The following GPR158 variants were observed in gnomAD, a reference collection of about 807,000 sequenced individuals.
GPR158 encodes metabotropic glycine receptor.
Under a neutral mutation model 78.2 loss-of-function variants are expected in GPR158, and 30 were observed. The observed-to-expected ratio is 0.38, with a 90% CI of 0.29 to 0.52. The LOEUF is 0.52. Among genes scored for constraint, GPR158 ranks in the 20% least tolerant of loss-of-function variants. The pLI is 0.83. For missense variants in GPR158, 1,463 were observed against 1,523.5 expected (o/e 0.96, Z 0.66); for synonymous variants, 581 against 591.1 (o/e 0.98, Z 0.25).
At chr10:25,438,799 T>C (rs899961428) in intron 4 of GPR158, among the ~76,000 whole-genome samples, 1 of 152,344 alleles carries the variant, frequency 6.6e-6, no homozygotes. Context: ...TAGTTAAAAC[T>C]GAAGTCAGGG....
At position 25,598,184 on chromosome 10, in the gene GPR158, C is replaced by T. The variant is rs372800397; in HGVS notation, c.2558C>T (p.Ser853Leu). 115 of 1,613,966 alleles carry T rather than the reference C, an allele frequency of 7.1e-5. 2 individuals carry two copies. In the South Asian group the frequency reaches 9.6e-4, roughly 13 times the overall value. ...GAAAATTCCACACTGGAATCCCTGT[C>T]GGGTAAAAAACTAACACAAAAACTA... ...TTENSTLESLSGKKLTQKLKE... is the reference protein window; with the variant it reads ...TTENSTLESLLGKKLTQKLKE... The change falls in exon 11 of 11, where the codon TCG (serine) becomes TTG (leucine). Residue 853 changes from serine (S) to leucine (L), a missense_variant. Coordinates refer to ENST00000376351, the MANE Select transcript of GPR158 (RefSeq NM_020752.3).
At chr10:25,214,633 C>T (rs1186715472) in intron 1 of GPR158, among the ~76,000 whole-genome samples, 1 of 152,046 alleles carries the variant, frequency 6.6e-6, no homozygotes, top group African/African-American at 2.4e-5. Context: ...GCACTCCTAA[C>T]CTCCAATATC....
chr10:25,351,751 T>C (rs1855476774), intron 2 of GPR158, among the ~76,000 whole-genome samples: 1 of 151,400 alleles, frequency 6.6e-6, no homozygotes, highest in Admixed American at 6.6e-5. Context: ...CTCCAACTTC[T>C]ATTTGAAGTT....
chr10:25,538,258 G>A (rs1176000501), intron 5 of GPR158, among the ~76,000 whole-genome samples: 1 of 151,978 alleles, frequency 6.6e-6, no homozygotes, highest in Non-Finnish European at 1.5e-5. Context: ...CAATTATAGA[G>A]AACAGATATT....
intron 5 of GPR158, among the ~76,000 whole-genome samples, chr10:25,471,813 G>GT (rs1835508189): frequency 1.3e-5 from 2 of 152,184 alleles, no homozygotes; most frequent in African/African-American, 4.8e-5. Flanking sequence ...GGGGTTGTTT[G>GT]TTTTTTTCTT....
chr10:25,597,549 G>C (rs994943564), intron 10 of GPR158, among the ~76,000 whole-genome samples: 1 of 151,922 alleles, frequency 6.6e-6, no homozygotes, highest in Non-Finnish European at 1.5e-5. Context: ...GTTAGAATAC[G>C]TGAGTTCATG....
intron 5 of GPR158, among the ~76,000 whole-genome samples, chr10:25,485,250 T>TA (rs1835720495): frequency 6.6e-6 from 1 of 152,060 alleles, no homozygotes; most frequent in African/African-American, 2.4e-5. Flanking sequence ...TAATGAGAAG[T>TA]AGATGACATT....
intron 2 of GPR158, among the ~76,000 whole-genome samples, chr10:25,276,952 T>TA (rs1341162785): frequency 1.1e-4 from 16 of 151,856 alleles, no homozygotes; most frequent in Non-Finnish European, 2.2e-4. Context: ...CAACTATTTT[T>TA]TTTTTTTTTT....
At chr10:25,540,063 T>C (rs1473349261) in intron 5 of GPR158, among the ~76,000 whole-genome samples, 1 of 152,132 alleles carries the variant, frequency 6.6e-6, no homozygotes, top group Non-Finnish European at 1.5e-5. Context: ...AAAGGGCTAA[T>C]ATCCAGAATC....
At chr10:25,348,295 T>C (rs1382548236) in intron 2 of GPR158, among the ~76,000 whole-genome samples, 1 of 151,744 alleles carries the variant, frequency 6.6e-6, no homozygotes, top group Non-Finnish European at 1.5e-5. Flanking sequence ...AAATTCTTTT[T>C]AATGTCTAAG....
At position 25,311,806 on chromosome 10, in the gene GPR158, A is replaced by C. The variant is rs1011985656; in HGVS notation, c.1009-84105A>C. 4.0e-5 allele frequency among the ~76,000 whole-genome samples: 6 copies of C among 149,782 alleles called. 1 individual carries two copies. The highest frequency in any genetic ancestry group is 1.5e-4 in the African/African-American group (6 of 39,532). On this transcript the variant is annotated intron_variant, in intron 2 of 10. Transcript: ENST00000376351. ...TTAATTTTTTTAAAAGGACAGTGGTAATCCATTTTTTACAGTTAAGAATTT... is the reference window on the plus strand; with the variant it reads ...TTAATTTTTTTAAAAGGACAGTGGTCATCCATTTTTTACAGTTAAGAATTT...
At chr10:25,578,803 C>A (rs1320976805) in intron 7 of GPR158, among the ~76,000 whole-genome samples, 2 of 151,918 alleles carry the variant, frequency 1.3e-5, no homozygotes, top group African/African-American at 4.8e-5. Context: ...GTCAGGAGAT[C>A]GAGACCATCC....
At chr10:25,241,029 G>T (rs748427968) in intron 2 of GPR158, among the ~76,000 whole-genome samples, 1 of 152,026 alleles carries the variant, frequency 6.6e-6, no homozygotes, top group African/African-American at 2.4e-5. Context: ...ATTGGGTTAT[G>T]ACTACTTTTG....
At position 25,241,277 on chromosome 10, in the gene GPR158, TTTC is replaced by T. The variant is rs201542978; in HGVS notation, c.1008+20123_1008+20125del. Among the ~76,000 whole-genome samples, 401 of 43,778 alleles carry T rather than the reference TTTC, an allele frequency of 9.2e-3. 19 individuals carry two copies. The highest frequency in any genetic ancestry group is 0.025 in the South Asian group (31 of 1,248). 28.7% of individuals were successfully genotyped at this position (43,778 alleles called of 152,430 possible). A position where few individuals can be genotyped will look rare whatever the true frequency, so the allele number is the denominator to read the frequency against. On this transcript the variant is annotated intron_variant, in intron 2 of 10. Transcript: ENST00000376351. ...TTCTTTCCTTTCTTTCTTTCCTTTC[TTTC>T]TTTCTTTTCTTTTCTTTTCTTTTCT...
intron 2 of GPR158, among the ~76,000 whole-genome samples, chr10:25,267,784 A>T (rs144634615): frequency 6.6e-5 from 10 of 152,240 alleles, no homozygotes; most frequent in African/African-American, 2.4e-4. Flanking sequence ...ATATTTAATG[A>T]TAGGGCCCAG....
Position 25,371,189 on chromosome 10 carries a change from G to A in GPR158, c.1009-24722G>A, listed in dbSNP as rs1172464167. 4.0e-5 allele frequency among the ~76,000 whole-genome samples: 6 copies of A among 149,708 alleles called. No individual in the cohort carries two copies. The East Asian group carries it at 1.2e-3, about 29-fold the overall frequency. ...TTACATTTAAAGTTAATATTGTTAT[G>A]TGTGAATTTGATCCTGTCATTATGA... On this transcript the variant is annotated intron_variant, in intron 2 of 10. Coordinates refer to ENST00000376351, the MANE Select transcript of GPR158 (RefSeq NM_020752.3).
chr10:25,391,191 C>G (rs775091337), intron 2 of GPR158, among the ~76,000 whole-genome samples: 20 of 149,464 alleles, frequency 1.3e-4, no homozygotes, highest in Non-Finnish European at 2.5e-4. Context: ...CATGAAGAAC[C>G]TCTTCTAGGG....
At chr10:25,575,566 G>C (rs748987009) in intron 7 of GPR158, among the ~76,000 whole-genome samples, 8 of 152,084 alleles carry the variant, frequency 5.3e-5, no homozygotes, top group Admixed American at 1.3e-4. Context: ...AGTGTTCCAG[G>C]TGATTCTCAT....
chr10:25,429,271 A>G (rs1834863978), intron 4 of GPR158, among the ~76,000 whole-genome samples: 1 of 152,110 alleles, frequency 6.6e-6, no homozygotes, highest in Admixed American at 6.6e-5. Flanking sequence ...TTCAATTCTT[A>G]CCAATTTTTA....
Sources: allele counts gnomAD v4.1 joint callset (sites outside exome capture counted in the v4.1 genomes callset), GRCh38; gene constraint gnomAD v4.1.1; transcripts MANE v1.5; gene names NCBI Gene and HGNC (gene_info 2026-07-23, HGNC 2026-07-21).